The following PPHLN1 variants were observed in gnomAD, a reference collection of about 807,000 sequenced individuals.
PPHLN1 encodes periphilin-1.
A neutral mutation model predicts 51.3 loss-of-function variants in PPHLN1; 29 were observed. The ratio of observed to expected loss-of-function variants is 0.57; its 90% CI spans 0.42 to 0.77. PPHLN1 has a LOEUF of 0.77. Among genes scored for constraint, PPHLN1 ranks in the 30% least tolerant of loss-of-function variants. The pLI, the probability that PPHLN1 is intolerant of heterozygous loss-of-function variation, is 0.00. For synonymous variants in PPHLN1, 147 were observed against 147.8 expected (o/e 0.99, Z 0.04); for missense variants, 436 against 438.4 (o/e 0.99, Z 0.05).
At chr12:42,446,724 TAGG>T (rs775691776), downstream of PPHLN1, 12 of 1,417,064 alleles carry the variant, frequency 8.5e-6, no homozygotes, top group Non-Finnish European at 1.1e-5. Context: ...GTCAGGTTGG[TAGG>T]AGAAGCTATA....
intron 7 of PPHLN1, among the ~76,000 whole-genome samples, chr12:42,389,492 G>A (rs1433881915): frequency 1.3e-5 from 2 of 151,720 alleles, no homozygotes; most frequent in East Asian, 1.9e-4. Flanking sequence ...TCCGGGAGGC[G>A]GGTGTTGCAG....
At position 42,393,754 on chromosome 12, in the gene PPHLN1, C is replaced by T. The variant is rs1043353573; in HGVS notation, c.768+65C>T. 3.1e-5 allele frequency: 45 copies of T among 1,457,340 alleles called. No homozygotes were observed. In the Admixed American group the frequency reaches 3.6e-4, roughly 12 times the overall value. 90.3% of individuals were successfully genotyped at this position (1,457,340 alleles called of 1,614,324 possible). On this transcript the variant is annotated intron_variant, in intron 8 of 9. Coordinates refer to ENST00000358314, the MANE Select transcript of PPHLN1 (RefSeq NM_201439.2). ...TTTTGTCTGGATTTTAAATTATGGG[C>T]GAAAAATATTTGGTTTATTCCTATA...
intron 9 of PPHLN1, among the ~76,000 whole-genome samples, chr12:42,411,278 G>T (rs1304641039): frequency 6.6e-6 from 1 of 151,862 alleles, no homozygotes; most frequent in Non-Finnish European, 1.5e-5. Context: ...AGCTTTTAGA[G>T]TACAAGTGGC....
intron 4 of PPHLN1, chr12:42,355,582 CAAAA>C (rs71434401): frequency 1.5e-5 from 2 of 135,258 alleles, no homozygotes; most frequent in African/African-American, 3.3e-5. Context: ...ACTAAAAATA[CAAAA>C]AAAAAGAAAA....
intron 5 of PPHLN1, among the ~76,000 whole-genome samples, chr12:42,379,223 C>T (rs2076561758): frequency 2.0e-5 from 3 of 151,882 alleles, no homozygotes; most frequent in Admixed American, 1.3e-4. Context: ...TAAGTTCAGT[C>T]TCCCACACCC....
downstream of PPHLN1, chr12:42,445,236 C>G: frequency 1.6e-6 from 1 of 624,212 alleles, no homozygotes. Context: ...GATGTCACTG[C>G]TTAACCAAGC....
chr12:42,377,133 T>C (rs902444522), intron 5 of PPHLN1, among the ~76,000 whole-genome samples: 2 of 151,964 alleles, frequency 1.3e-5, no homozygotes, highest in Non-Finnish European at 2.9e-5. Context: ...CCAGCTATTG[T>C]TACTGTTTGT....
rs549193979 is a variant in PPHLN1 at position 42,417,920 on chromosome 12, GTTTTTTTTTTTGTT to G, written c.909+18935_909+18948del. ...GGAAAAAAGAAAAAAAAAAGCCCTA[GTTTTTTTTTTTGTT>G]TTTTTTTTGTTTTTTTTTTTTTTGA... On this transcript the variant is annotated intron_variant, in intron 9 of 9. Transcript: ENST00000358314. 3.9e-5 allele frequency among the ~76,000 whole-genome samples: 4 copies of G among 102,380 alleles called. No individual in the cohort carries two copies. In the South Asian group the frequency reaches 9.2e-4, roughly 23 times the overall value. The allele number at this position is 102,380 out of a possible 152,430, so 67.2% of individuals were successfully genotyped here.
chr12:42,429,274 A>G (rs1310992011), intron 9 of PPHLN1, among the ~76,000 whole-genome samples: 1 of 152,152 alleles, frequency 6.6e-6, no homozygotes, highest in Non-Finnish European at 1.5e-5. Context: ...TTCCTAATCA[A>G]CAGTCTTTAG....
At chr12:42,433,123 T>C in intron 9 of PPHLN1, 1 of 776,412 alleles carries the variant, frequency 1.3e-6, no homozygotes, top group Non-Finnish European at 2.4e-6. Context: ...ACTATTTCAT[T>C]GTAAGTAGCG....
chr12:42,355,307 T>A (rs750449177), intron 4 of PPHLN1, 85 bp downstream of exon 4: 1 of 1,155,302 alleles, frequency 8.7e-7, no homozygotes, highest in Non-Finnish European at 1.3e-6. Flanking sequence ...TCAAGGCACA[T>A]AGATGAAATA....
chr12:42,408,336 C>G (rs537202673), intron 9 of PPHLN1, among the ~76,000 whole-genome samples: 17 of 150,946 alleles, frequency 1.1e-4, no homozygotes, highest in Non-Finnish European at 2.1e-4. Context: ...TGGCAAAACC[C>G]TGTCTGTACT....
At chr12:42,335,352 A>AGTG (rs930737157) in intron 1 of PPHLN1, among the ~76,000 whole-genome samples, 1 of 152,090 alleles carries the variant, frequency 6.6e-6, no homozygotes, top group African/African-American at 2.4e-5. Context: ...GGGATTGTTG[A>AGTG]GTGTGTTTTT....
chr12:42,353,645 T>A (rs1360188724), intron 3 of PPHLN1, among the ~76,000 whole-genome samples: 6 of 152,216 alleles, frequency 3.9e-5, no homozygotes, highest in Non-Finnish European at 8.8e-5. Flanking sequence ...ATTACATTTT[T>A]ATTTTATTTC....
intron 9 of PPHLN1, among the ~76,000 whole-genome samples, chr12:42,438,643 T>C (rs2600908): frequency 0.61 from 93,053 of 151,994 alleles, 28,678 homozygotes; most frequent in Admixed American, 0.68. Flanking sequence ...ACTCTGTAGC[T>C]CAGGCTGGAG....
intron 1 of PPHLN1, among the ~76,000 whole-genome samples, chr12:42,334,753 C>T (rs2070332891): frequency 6.6e-6 from 1 of 152,214 alleles, no homozygotes; most frequent in South Asian, 2.1e-4. Context: ...GGATGGTTCA[C>T]AGTTCTTGGC....
intron 8 of PPHLN1, among the ~76,000 whole-genome samples, chr12:42,395,511 T>C (rs2078122017): frequency 6.6e-6 from 1 of 152,204 alleles, no homozygotes; most frequent in Admixed American, 6.5e-5. Context: ...TACTTTAGCT[T>C]ATTAATATTT....
At chr12:42,405,486 A>G (rs2079207326) in intron 9 of PPHLN1, among the ~76,000 whole-genome samples, 1 of 152,260 alleles carries the variant, frequency 6.6e-6, no homozygotes, top group Non-Finnish European at 1.5e-5. Flanking sequence ...AAACACTAGA[A>G]GTGAATTGAT....
chr12:42,432,167 G>T, intron 9 of PPHLN1: 2 of 882,722 alleles, frequency 2.3e-6, no homozygotes, highest in South Asian at 1.3e-5. Context: ...CTTCTTCAAT[G>T]ACCAATCACT....
Sources: gnomAD v4.1 joint callset for allele counts (sites outside exome capture counted in the v4.1 genomes callset) on GRCh38, gnomAD v4.1.1 for gene constraint, MANE v1.5 for transcripts, NCBI Gene and HGNC (gene_info 2026-07-23, HGNC 2026-07-21) for gene names.